The following PRADC1 variants were observed in gnomAD, a reference collection of about 807,000 sequenced individuals.
PRADC1 encodes the protein protease-associated domain-containing protein 1.
In PRADC1, 23 loss-of-function variants were observed where a neutral mutation model predicts 22.9. The observed-to-expected ratio is 1.00, with a 90% CI of 0.72 to 1.42. The LOEUF is 1.42. Ranked by LOEUF, PRADC1 falls within the 40% of genes most tolerant of loss-of-function variation. The pLI, the probability that PRADC1 is intolerant of heterozygous loss-of-function variation, is 0.00. For synonymous variants in PRADC1, 71 were observed against 100.3 expected (o/e 0.71, Z 1.75); for missense variants, 207 against 258.3 (o/e 0.80, Z 1.36).
upstream of PRADC1, chr2:73,233,262 C>T (rs1686705882): frequency 1.3e-6 from 1 of 742,400 alleles, no homozygotes; most frequent in Non-Finnish European, 2.0e-6. Flanking sequence ...CTCCCGCCCA[C>T]ATACCCGCTC....
At chr2:73,231,959 C>G (rs1308866091) in intron 1 of PRADC1, among the ~76,000 whole-genome samples, 1 of 152,212 alleles carries the variant, frequency 6.6e-6, no homozygotes, top group African/African-American at 2.4e-5. Flanking sequence ...ATCTTCTCCT[C>G]AGCACCAAAG....
At chr2:73,229,429 C>T (rs754479320) in intron 3 of PRADC1, 32 bp downstream of exon 3, 1 of 1,420,366 alleles carries the variant, frequency 7.0e-7, no homozygotes, top group Non-Finnish European at 1.0e-6. Flanking sequence ...TATGCCTGCC[C>T]ACTCCTCGTG....
At chr2:73,231,614 T>A (rs1686639975) in intron 1 of PRADC1, among the ~76,000 whole-genome samples, 1 of 151,750 alleles carries the variant, frequency 6.6e-6, no homozygotes, top group Non-Finnish European at 1.5e-5. Flanking sequence ...TAGAGAGGGT[T>A]TCGCCATGTT....
At chr2:73,232,351 GA>G (rs773488016) in intron 1 of PRADC1, among the ~76,000 whole-genome samples, 7 of 147,056 alleles carry the variant, frequency 4.8e-5, no homozygotes, top group South Asian at 2.1e-4. Flanking sequence ...AAAAAAAAAA[GA>G]AAAAAAGAAA....
In PRADC1 at chr2:73,228,688, C is replaced by T; in HGVS notation, c.446+107G>A. 2 of 1,587,606 alleles carry T rather than the reference C, an allele frequency of 1.3e-6. No individual in the cohort carries two copies. Among genetic ancestry groups the T allele is most frequent in the South Asian group, 2.3e-5 (2 of 87,768 alleles). ...CCCGAGATCTTTTTTTGCCCTCTAA[C>T]TGAAGCACCCCAAGTTGAGGCCTGC... On this transcript the variant is annotated intron_variant, in intron 4 of 4. Transcript: ENST00000258083. The surrounding 1 kb of genome is among the most constrained non-coding windows in gnomAD (Gnocchi z 4.0).
Position 73,228,727 on chromosome 2 carries a change from T to A in PRADC1, c.446+68A>T. ...GTTGAGGCCTGCAAGAAGGGACTGGTGATTACCCCTGACCCAGTCATGGCG... is the reference window on the plus strand; with the variant it reads ...GTTGAGGCCTGCAAGAAGGGACTGGAGATTACCCCTGACCCAGTCATGGCG... On this transcript the variant is annotated intron_variant, in intron 4 of 4. Coordinates refer to ENST00000258083, the MANE Select transcript of PRADC1 (RefSeq NM_032319.3). The surrounding 1 kb of genome is among the most constrained non-coding windows in gnomAD (Gnocchi z 4.0). 1 of 1,584,754 alleles carries A rather than the reference T, an allele frequency of 6.3e-7. No homozygotes were observed. Among genetic ancestry groups the A allele is most frequent in the Non-Finnish European group, 8.6e-7 (1 of 1,161,766 alleles).
chr2:73,230,806 T>C (rs1686622386), intron 1 of PRADC1, among the ~76,000 whole-genome samples: 1 of 152,272 alleles, frequency 6.6e-6, no homozygotes, highest in Non-Finnish European at 1.5e-5. Context: ...CCCTGTTTGC[T>C]GTGGCCCCTG....
At position 73,228,712 on chromosome 2, in the gene PRADC1, G is replaced by C; in HGVS notation, c.446+83C>G. On this transcript the variant is annotated intron_variant, in intron 4 of 4. Coordinates refer to ENST00000258083, the MANE Select transcript of PRADC1 (RefSeq NM_032319.3). The surrounding 1 kb of genome is among the most constrained non-coding windows in gnomAD (Gnocchi z 4.0). ...ACTGAAGCACCCCAAGTTGAGGCCT[G>C]CAAGAAGGGACTGGTGATTACCCCT... is the stretch of plus-strand genomic sequence containing the variant. 6.3e-7 allele frequency: 1 copy of C among 1,582,584 alleles called. No homozygotes were observed. The highest frequency in any genetic ancestry group is 8.6e-7 in the Non-Finnish European group (1 of 1,160,732).
In PRADC1 at chr2:73,229,459, AC is replaced by A. The variant is rs1036583292; in HGVS notation, c.278+1del. ...CTCGTGTCCTGCCTGCCCACTCCTT[AC>A]CCCCTCTCCACCAGAGCAATCTGGT... On this transcript the variant is annotated splice_donor_variant, in intron 3 of 4. Transcript: ENST00000258083. LOFTEE classifies it high-confidence loss of function. The A allele has an allele frequency of 3.2e-6, 5 of 1,556,202 alleles. No individual in the cohort carries two copies. In the African/African-American group the frequency reaches 7.1e-5, roughly 22 times the overall value.
Position 73,228,639 on chromosome 2 carries a change from C to T in PRADC1, c.447-65G>A, listed in dbSNP as rs1489723279. The T allele has an allele frequency of 1.2e-6, 2 of 1,609,198 alleles. No individual in the cohort carries two copies. The highest frequency in any genetic ancestry group is 3.3e-4 in the Middle Eastern group (2 of 6,044). On this transcript the variant is annotated intron_variant, in intron 4 of 4. Transcript: ENST00000258083. This position sits in a 1 kb window ranked among gnomAD's most constrained non-coding sequence, Gnocchi z 4.0. ...TGGTACCCCATCATGCCCCACTGTC[C>T]CCATCAATCTGGGAGTTCCAAAGCC...
Position 73,228,868 on chromosome 2 carries a change from A to C in PRADC1, c.373T>G (p.Tyr125Asp). ...GTACTGTCCTGGATCATCTCCACGT[A>C]GAAGCTGTCATTGTCAACTGCGTTG... ...SDNAVDNDSFYVEMIQDSTQR... is the reference protein window; with the variant it reads ...SDNAVDNDSFDVEMIQDSTQR... The change falls in exon 4 of 5, where the codon TAC becomes GAC. Residue 125 changes from tyrosine to aspartate, a missense_variant. By Grantham distance (160) the Tyr-to-Asp change is radical. Coordinates refer to ENST00000258083, the MANE Select transcript of PRADC1 (RefSeq NM_032319.3). This position sits in a 1 kb window ranked among gnomAD's most constrained non-coding sequence, Gnocchi z 4.0. The C allele has an allele frequency of 6.2e-7, 1 of 1,613,544 alleles. No homozygotes were observed.
At position 73,228,608 on chromosome 2, in the gene PRADC1, C is replaced by T; in HGVS notation, c.447-34G>A. 1 of 1,613,726 alleles carries T rather than the reference C, an allele frequency of 6.2e-7. No homozygotes were observed. Among genetic ancestry groups the T allele is most frequent in the Non-Finnish European group, 8.5e-7 (1 of 1,179,948 alleles). ...GCATGAAGAGAGGTGGTGACGGTCACTTTCTTGGTACCCCATCATGCCCCA... is the reference window on the plus strand; with the variant it reads ...GCATGAAGAGAGGTGGTGACGGTCATTTTCTTGGTACCCCATCATGCCCCA... On this transcript the variant is annotated intron_variant, in intron 4 of 4. Transcript: ENST00000258083. This position sits in a 1 kb window ranked among gnomAD's most constrained non-coding sequence, Gnocchi z 4.0.
intron 1 of PRADC1, among the ~76,000 whole-genome samples, chr2:73,231,184 A>G (rs1358027751): frequency 1.3e-5 from 2 of 152,160 alleles, no homozygotes; most frequent in Non-Finnish European, 2.9e-5. Context: ...CAGTGTTGCG[A>G]TCTAGGCTCG....
At position 73,228,234 on chromosome 2, in the gene PRADC1, T is replaced by C. The variant is rs887062442; in HGVS notation, c.*220A>G. 9 of 572,150 alleles carry C rather than the reference T, an allele frequency of 1.6e-5. No homozygotes were observed. In the African/African-American group the frequency reaches 1.7e-4, roughly 11 times the overall value. The allele number at this position is 572,150 out of a possible 1,614,324, so 35.4% of individuals were successfully genotyped here. A position where few individuals can be genotyped will look rare whatever the true frequency, so the allele number is the denominator to read the frequency against. ...TTCTAGCCAGAAGCCCTGGGGCCTG[T>C]CTCTTGCCTCTTCTTGTAGCATGAG... On this transcript the variant is annotated 3_prime_UTR_variant, in exon 5 of 5. Transcript: ENST00000258083. The surrounding 1 kb of genome is among the most constrained non-coding windows in gnomAD (Gnocchi z 4.0).
intron 1 of PRADC1, among the ~76,000 whole-genome samples, chr2:73,230,639 T>C (rs1386100250): frequency 2.0e-5 from 3 of 152,210 alleles, no homozygotes; most frequent in Non-Finnish European, 4.4e-5. Flanking sequence ...ACAGCTCAGC[T>C]TCTTACCTGG....
At chr2:73,233,002 C>T in intron 1 of PRADC1, 92 bp downstream of exon 1, 1 of 1,431,236 alleles carries the variant, frequency 7.0e-7, no homozygotes, top group Non-Finnish European at 9.4e-7. Context: ...CTCGCAGGGT[C>T]CCCAAGGTGA....
chr2:73,229,201 C>T (rs1357380292), intron 3 of PRADC1, among the ~76,000 whole-genome samples: 2 of 152,120 alleles, frequency 1.3e-5, no homozygotes, highest in African/African-American at 2.4e-5. Context: ...CGGCTCACTG[C>T]AGCCTTAACA....
rs762731212 is a variant in PRADC1, at chr2:73,233,082, G to A, written c.67+12C>T. 2 of 1,538,978 alleles carry A rather than the reference G, an allele frequency of 1.3e-6. No homozygotes were observed. Among genetic ancestry groups the A allele is most frequent in the South Asian group, 1.2e-5 (1 of 85,184 alleles). On this transcript the variant is annotated intron_variant, in intron 1 of 4. Coordinates refer to ENST00000258083, the MANE Select transcript of PRADC1 (RefSeq NM_032319.3). ...CCCGCCCTGCAACGCAGTCCCACCC[G>A]TTGCCGCTCACCGTGGGCCGCGACG...
intron 3 of PRADC1, 110 bp downstream of exon 3, chr2:73,229,351 T>C: frequency 2.4e-6 from 2 of 830,812 alleles, no homozygotes; most frequent in Non-Finnish European, 4.1e-6. Flanking sequence ...TTAAAGACGC[T>C]TAAAAAGATG....
Sources: gnomAD v4.1 joint callset for allele counts (sites outside exome capture counted in the v4.1 genomes callset) on GRCh38, gnomAD v4.1.1 for gene constraint, Gnocchi (gnomAD v3.1) non-coding constraint, MANE v1.5 for transcripts, NCBI Gene and HGNC (gene_info 2026-07-23, HGNC 2026-07-21) for gene names.